The following UBN2 variants were observed in gnomAD, a reference collection of about 807,000 sequenced individuals.
UBN2 encodes ubinuclein 2.
Under a neutral mutation model 120.2 loss-of-function variants are expected in UBN2, and 35 were observed. The ratio of observed to expected loss-of-function variants is 0.29; its 90% CI spans 0.22 to 0.39. UBN2 has a LOEUF of 0.39. UBN2 is among the 10% of genes least tolerant of loss of function. The pLI, the probability that UBN2 is intolerant of heterozygous loss-of-function variation, is 1.00. For synonymous variants in UBN2, 661 were observed against 648.7 expected, an observed-to-expected ratio of 1.02 and a Z score of -0.29; for missense variants, 1,693 against 1,663.2, an observed-to-expected ratio of 1.02 and a Z score of -0.31.
intron 17 of UBN2, 144 bp from the exon 18 acceptor site, chr7:139,297,643 A>G: frequency 1.5e-6 from 1 of 681,576 alleles, no homozygotes; most frequent in East Asian, 2.7e-5. Context: ...ATAATGCTAT[A>G]TGGCATGCAA....
chr7:139,317,220 C>T, the UBN2 span, among the ~76,000 whole-genome samples: 1 of 151,786 alleles, frequency 6.6e-6, no homozygotes, highest in Non-Finnish European at 1.5e-5. Context: ...TCTTGCTCTG[C>T]CACCCAAGCT....
At chr7:139,243,709 G>A (rs1264579339) in intron 2 of UBN2, among the ~76,000 whole-genome samples, 1 of 152,142 alleles carries the variant, frequency 6.6e-6, no homozygotes, top group Non-Finnish European at 1.5e-5. Context: ...CACAAGTGAG[G>A]AAAAGCAAAC....
At chr7:139,290,878 G>C (rs1219457487) in intron 15 of UBN2, among the ~76,000 whole-genome samples, 1 of 152,180 alleles carries the variant, frequency 6.6e-6, no homozygotes, top group Non-Finnish European at 1.5e-5. Flanking sequence ...GCATGTGTGT[G>C]TGGAAAGATT....
downstream of UBN2, among the ~76,000 whole-genome samples, chr7:139,309,560 ATATTTTACC>A (rs1464527825): frequency 2.0e-5 from 3 of 152,298 alleles, no homozygotes; most frequent in Admixed American, 6.5e-5. Context: ...TTTTTAAAAC[ATATTTTACC>A]TAGAGTATTT....
chr7:139,292,078 C>T (rs1299580176), intron 15 of UBN2, among the ~76,000 whole-genome samples: 1 of 151,962 alleles, frequency 6.6e-6, no homozygotes, highest in East Asian at 1.9e-4. Context: ...TGGTGAAACC[C>T]TATCTCTATA....
intron 17 of UBN2, among the ~76,000 whole-genome samples, chr7:139,296,900 T>G (rs1263864580): frequency 1.3e-5 from 2 of 151,436 alleles, no homozygotes; most frequent in Non-Finnish European, 2.9e-5. Context: ...GACTCTCTCT[T>G]AAAAAAAGAA....
At chr7:139,322,549 G>A in the UBN2 span, among the ~76,000 whole-genome samples, 1 of 151,768 alleles carries the variant, frequency 6.6e-6, no homozygotes, top group Non-Finnish European at 1.5e-5. Context: ...CCAGGCCGGG[G>A]CAATCTAAGC....
intron 3 of UBN2, 25 bp from the exon 4 acceptor site, chr7:139,258,463 G>A: frequency 1.3e-6 from 2 of 1,528,994 alleles, no homozygotes; most frequent in Non-Finnish European, 1.8e-6. Flanking sequence ...GGATATAGCG[G>A]AAACTTTTTT....
the UBN2 span, among the ~76,000 whole-genome samples, chr7:139,330,032 T>C: frequency 6.6e-6 from 1 of 152,132 alleles, no homozygotes; most frequent in East Asian, 1.9e-4. Flanking sequence ...CTGTGCACTC[T>C]GGGCAAGGTA....
At chr7:139,266,226 CAAAAAAAAAA>C in intron 6 of UBN2, 97 bp from the exon 7 acceptor site, 1 of 342,958 alleles carries the variant, frequency 2.9e-6, no homozygotes, top group Admixed American at 6.5e-5. Flanking sequence ...GGCCCTATCT[CAAAAAAAAAA>C]AAAAAAAAAG....
Position 139,269,477 on chromosome 7 carries a change from A to G in UBN2, c.1550A>G (p.Lys517Arg), listed in dbSNP as rs1162855483. 3 of 1,614,146 alleles carry G rather than the reference A, an allele frequency of 1.9e-6. No individual in the cohort carries two copies. The highest frequency in any genetic ancestry group is 2.5e-6 in the Non-Finnish European group (3 of 1,180,016). The change falls in exon 8 of 18, where the codon AAA (lysine) becomes AGA (arginine). Residue 517 changes from lysine (K) to arginine (R), a missense_variant. By Grantham distance (26) the Lys-to-Arg change is conservative. Transcript: ENST00000473989. The stretch of plus-strand genomic sequence containing the variant: ...CTTGAAGCTTTTGTGCCATGCAATA[A>G]AGAAACACTAGTAAAACGTCTGAAG... ...SHLEAFVPCNKETLVKRLKKL... is the reference protein window; with the variant it reads ...SHLEAFVPCNRETLVKRLKKL...
In UBN2 at chr7:139,231,827, C is replaced by G. The variant is rs778811668; in HGVS notation, c.343C>G (p.Arg115Gly). 4.1e-5 allele frequency: 62 copies of G among 1,503,426 alleles called. No individual in the cohort carries two copies. The African/African-American group carries it at 7.3e-4, about 18-fold the overall frequency. The allele number at this position is 1,503,426 out of a possible 1,614,324, so 93.1% of individuals were successfully genotyped here. A position where few individuals can be genotyped will look rare whatever the true frequency, so the allele number is the denominator to read the frequency against. Residue 115 changes from arginine to glycine, a missense_variant, in exon 1 of 18, where the codon CGG (arginine) becomes GGG (glycine). Arg to Gly is a moderately radical substitution (Grantham distance 125). Transcript: ENST00000473989. ...GCCCCCGCCGCGGGAGTCGGCTTCC[C>G]GGGCTGAGCAGCCGCCGCGGCCGCC... ...QPPPPRESAS[R>G]AEQPPRPPRE...
intron 2 of UBN2, among the ~76,000 whole-genome samples, chr7:139,244,507 TA>T (rs548953543): frequency 1.1e-4 from 16 of 150,916 alleles, no homozygotes; most frequent in African/African-American, 3.6e-4. Flanking sequence ...CCCCATCTCT[TA>T]AAAAAAAAGT....
At chr7:139,308,284 A>T (rs1160685016), downstream of UBN2, 1 of 151,902 alleles carries the variant, frequency 6.6e-6, no homozygotes, top group African/African-American at 2.4e-5. Context: ...CTAACATCAC[A>T]CTCTCAGCTG....
intron 2 of UBN2, among the ~76,000 whole-genome samples, chr7:139,242,666 C>T (rs1047888565): frequency 2.0e-5 from 3 of 152,132 alleles, no homozygotes; most frequent in African/African-American, 4.8e-5. Flanking sequence ...CCTTTTAATT[C>T]CTTGGCCTCT....
At chr7:139,264,225 C>T (rs539082460) in intron 6 of UBN2, among the ~76,000 whole-genome samples, 5 of 152,154 alleles carry the variant, frequency 3.3e-5, no homozygotes, top group Non-Finnish European at 7.4e-5. Flanking sequence ...TACTTATTCA[C>T]TACATGTTTG....
At chr7:139,295,459 A>G (rs1224471227) in intron 17 of UBN2, among the ~76,000 whole-genome samples, 1 of 152,172 alleles carries the variant, frequency 6.6e-6, no homozygotes, top group Non-Finnish European at 1.5e-5. Flanking sequence ...ATTGGCATGA[A>G]TGTGGCCACC....
chr7:139,240,834 A>G (rs1212662405), intron 2 of UBN2, among the ~76,000 whole-genome samples: 2 of 152,218 alleles, frequency 1.3e-5, no homozygotes, highest in African/African-American at 2.4e-5. Flanking sequence ...GAAAAGGTCA[A>G]TATGACTATT....
chr7:139,329,692 T>G, the UBN2 span, among the ~76,000 whole-genome samples: 1 of 151,938 alleles, frequency 6.6e-6, no homozygotes, highest in Non-Finnish European at 1.5e-5. Context: ...CCAGGATGCC[T>G]TGGAACGTCT....
Sources: gnomAD v4.1 joint callset for allele counts (sites outside exome capture counted in the v4.1 genomes callset) on GRCh38, gnomAD v4.1.1 for gene constraint, MANE v1.5 for transcripts, NCBI Gene and HGNC (gene_info 2026-07-23, HGNC 2026-07-21) for gene names.